The following SS18L2 variants were observed in gnomAD, a reference collection of about 807,000 sequenced individuals.
SS18L2 encodes SS18-like protein 2.
Under a neutral mutation model 10.3 loss-of-function variants are expected in SS18L2, and 8 were observed. That is an observed-to-expected ratio of 0.78 (90% CI 0.46 to 1.41). The LOEUF (loss-of-function observed/expected upper bound fraction) is 1.41, where lower values mean the gene tolerates loss of function less well. Among genes scored for constraint, SS18L2 ranks in the 40% most tolerant of loss-of-function variants. The pLI is 0.00. For synonymous variants in SS18L2, 41 were observed against 34.6 expected, an observed-to-expected ratio of 1.19 and a Z score of -0.65; for missense variants, 100 against 96.2, an observed-to-expected ratio of 1.04 and a Z score of -0.17.
In SS18L2 at chr3:42,596,231, A is replaced by C. The variant is rs188091178; in HGVS notation, c.*1722A>C. Among the ~76,000 whole-genome samples, 1 of 152,152 alleles carries C rather than the reference A, an allele frequency of 6.6e-6. No individual in the cohort carries two copies. Among genetic ancestry groups the C allele is most frequent in the African/African-American group, 2.4e-5 (1 of 41,448 alleles). On this transcript the variant is annotated 3_prime_UTR_variant, in exon 3 of 3. Transcript: ENST00000011691. ...GAGACGGGGTTTCTCCATGTTGGTC[A>C]GGCTGGTCTCGTACTCACGACCTCA... is the stretch of plus-strand genomic sequence containing the variant.
chr3:42,590,991 GC>G (rs756301114), intron 1 of SS18L2, 25 bp downstream of exon 1: 3 of 957,860 alleles, frequency 3.1e-6, no homozygotes, highest in Non-Finnish European at 4.8e-6. Context: ...GGGCGGGCGG[GC>G]GGGCGGAGAG....
chr3:42,582,942 T>C (rs145151046), intron 1 of SS18L2, among the ~76,000 whole-genome samples: 2 of 152,306 alleles, frequency 1.3e-5, no homozygotes, highest in African/African-American at 4.8e-5. Flanking sequence ...AAATGGATAG[T>C]AGTGATGATC....
upstream of SS18L2, among the ~76,000 whole-genome samples, chr3:42,587,009 C>G (rs1159721445): frequency 6.6e-6 from 1 of 152,180 alleles, no homozygotes; most frequent in Admixed American, 6.5e-5. Flanking sequence ...TTTCCCTCCC[C>G]ACTTGATCAC....
intron 2 of SS18L2, among the ~76,000 whole-genome samples, chr3:42,592,203 CT>C (rs957025945): frequency 8.8e-5 from 13 of 147,292 alleles, no homozygotes; most frequent in Admixed American, 1.4e-4. Flanking sequence ...TTTTTCTTTT[CT>C]TTTTTTTTTT....
At chr3:42,586,664 C>T (rs919508095), upstream of SS18L2, among the ~76,000 whole-genome samples, 5 of 151,842 alleles carry the variant, frequency 3.3e-5, no homozygotes, top group Non-Finnish European at 7.4e-5. Context: ...TCCCCTCAGT[C>T]TCCATTGCAG....
upstream of SS18L2, among the ~76,000 whole-genome samples, chr3:42,585,868 GCT>G (rs1337724294): frequency 6.6e-6 from 1 of 152,080 alleles, no homozygotes; most frequent in Admixed American, 6.5e-5. Context: ...TGCCAAGGCA[GCT>G]CTCTCTCCAG....
At chr3:42,582,696 G>A (rs1704459040) in intron 1 of SS18L2, among the ~76,000 whole-genome samples, 1 of 152,244 alleles carries the variant, frequency 6.6e-6, no homozygotes, top group African/African-American at 2.4e-5. Context: ...GGGAGGAGCA[G>A]GGGTTTTGGG....
rs1040329702 is a variant in SS18L2 at position 42,591,712 on chromosome 3, C to T, written c.146+111C>T. ...GGTGATTGATCGCAGTTAAGCCCCT[C>T]TTTGAACTGAGGAAAGAGAGGCTCA... On this transcript the variant is annotated intron_variant, in intron 2 of 2. Transcript: ENST00000011691. The T allele has an allele frequency of 6.4e-6, 5 of 785,508 alleles. No homozygotes were observed. In the African/African-American group the frequency reaches 8.5e-5, roughly 13 times the overall value. 48.7% of individuals were successfully genotyped at this position (785,508 alleles called of 1,614,324 possible). A position where few individuals can be genotyped will look rare whatever the true frequency, so the allele number is the denominator to read the frequency against.
At chr3:42,591,438 C>G in intron 1 of SS18L2, 87 bp from the exon 2 acceptor site, 1 of 937,662 alleles carries the variant, frequency 1.1e-6, no homozygotes, top group African/African-American at 1.6e-5. Context: ...CGTGATCCGC[C>G]TAGATCGGCC....
chr3:42,584,458 A>C (rs1383602865), intron 1 of SS18L2, among the ~76,000 whole-genome samples: 1 of 152,106 alleles, frequency 6.6e-6, no homozygotes, highest in Non-Finnish European at 1.5e-5. Flanking sequence ...GTTTCACCAT[A>C]TTGGCCAGTT....
chr3:42,594,633 C>A lies in SS18L2; in HGVS notation c.*124C>A. 2 of 736,222 alleles carry A rather than the reference C, an allele frequency of 2.7e-6. No homozygotes were observed. Among genetic ancestry groups the A allele is most frequent in the Non-Finnish European group, 2.3e-6 (1 of 442,788 alleles). The allele number at this position is 736,222 out of a possible 1,614,324, so 45.6% of individuals were successfully genotyped here. A position where few individuals can be genotyped will look rare whatever the true frequency, so the allele number is the denominator to read the frequency against. ...TCAACTGGTTAAAACATGAATGAAA[C>A]CTCTGTGGCTCTTTCGAAACGTGAA... On this transcript the variant is annotated 3_prime_UTR_variant, in exon 3 of 3. Coordinates refer to ENST00000011691, the MANE Select transcript of SS18L2 (RefSeq NM_001370300.1).
chr3:42,591,885 G>A (rs1704861158), intron 2 of SS18L2, among the ~76,000 whole-genome samples: 1 of 152,152 alleles, frequency 6.6e-6, no homozygotes, highest in African/African-American at 2.4e-5. Context: ...CAGGGATGGG[G>A]GTGAGAGCAC....
At chr3:42,590,609 C>T (rs1704786241), upstream of SS18L2, among the ~76,000 whole-genome samples, 1 of 152,016 alleles carries the variant, frequency 6.6e-6, no homozygotes, top group Admixed American at 6.6e-5. Context: ...GCATGCACAG[C>T]CTAACACTGG....
chr3:42,594,578 T>G lies in SS18L2; in HGVS notation c.*69T>G. The G allele has an allele frequency of 7.4e-7, 1 of 1,356,028 alleles. No homozygotes were observed. Among genetic ancestry groups the G allele is most frequent in the Non-Finnish European group, 1.0e-6 (1 of 954,988 alleles). 84.0% of individuals were successfully genotyped at this position (1,356,028 alleles called of 1,614,324 possible). On this transcript the variant is annotated 3_prime_UTR_variant, in exon 3 of 3. Coordinates refer to ENST00000011691, the MANE Select transcript of SS18L2 (RefSeq NM_001370300.1). Reference sequence around the variant, plus strand: ...GGAGTAATTGAATGTAATCCATCTCTTACAAAATGGAGACAGGGTCTTTAC... The same window carrying G: ...GGAGTAATTGAATGTAATCCATCTCGTACAAAATGGAGACAGGGTCTTTAC...
upstream of SS18L2, chr3:42,590,682 G>A: frequency 1.6e-6 from 1 of 612,944 alleles, no homozygotes; most frequent in Non-Finnish European, 2.9e-6. Flanking sequence ...TCGCTCTCCA[G>A]ACTGCGCAAG....
intron 1 of SS18L2, among the ~76,000 whole-genome samples, chr3:42,585,352 C>G (rs972480380): frequency 1.3e-5 from 2 of 152,214 alleles, no homozygotes; most frequent in Non-Finnish European, 2.9e-5. Flanking sequence ...GGTTCACAGT[C>G]AACTCCAGAG....
Position 42,596,777 on chromosome 3 carries a change from G to A in SS18L2, c.*2268G>A, listed in dbSNP as rs1236207138. 6.6e-6 allele frequency among the ~76,000 whole-genome samples: 1 copy of A among 152,202 alleles called. No homozygotes were observed. Among genetic ancestry groups the A allele is most frequent in the Non-Finnish European group, 1.5e-5 (1 of 68,038 alleles). On this transcript the variant is annotated 3_prime_UTR_variant, in exon 3 of 3. Transcript: ENST00000011691. Reference sequence around the variant, plus strand: ...TTATCTCATTTATTTTACAGATGAAGAAAGTAAACTTCAGAGAGATCAAAG... The same window carrying A: ...TTATCTCATTTATTTTACAGATGAAAAAAGTAAACTTCAGAGAGATCAAAG...
rs1439785225 is a variant in SS18L2, at chr3:42,594,690, T to G, written c.*181T>G. 1 of 490,094 alleles carries G rather than the reference T, an allele frequency of 2.0e-6. No homozygotes were observed. Among genetic ancestry groups the G allele is most frequent in the Non-Finnish European group, 3.6e-6 (1 of 276,696 alleles). The allele number at this position is 490,094 out of a possible 1,614,324, so 30.4% of individuals were successfully genotyped here. ...AAGAAAGCTACTAACTTAGCTGTAT[T>G]CTCATGTAAATATTTTTTAAATAAT... On this transcript the variant is annotated 3_prime_UTR_variant, in exon 3 of 3. Coordinates refer to ENST00000011691, the MANE Select transcript of SS18L2 (RefSeq NM_001370300.1).
Position 42,596,483 on chromosome 3 carries a change from T to G in SS18L2, c.*1974T>G, listed in dbSNP as rs1011569119. 2.6e-5 allele frequency among the ~76,000 whole-genome samples: 4 copies of G among 152,200 alleles called. No homozygotes were observed. The highest frequency in any genetic ancestry group is 5.9e-5 in the Non-Finnish European group (4 of 68,032). On this transcript the variant is annotated 3_prime_UTR_variant, in exon 3 of 3. Transcript: ENST00000011691. ...CCTGAAAATTCGTACTACCAGTGGTTCTTCTTCATGATAAATCATGGACAA... is the reference window on the plus strand; with the variant it reads ...CCTGAAAATTCGTACTACCAGTGGTGCTTCTTCATGATAAATCATGGACAA...
Sources: gnomAD v4.1 joint callset for allele counts (sites outside exome capture counted in the v4.1 genomes callset) on GRCh38, gnomAD v4.1.1 for gene constraint, MANE v1.5 for transcripts, NCBI Gene and HGNC (gene_info 2026-07-23, HGNC 2026-07-21) for gene names.